Variants in ATPSCKMT observed in about 807,000 individuals in gnomAD.
ATPSCKMT encodes the protein ATP synthase subunit C lysine N-methyltransferase.
A neutral mutation model predicts 24.3 loss-of-function variants in ATPSCKMT; 24 were observed. That is an observed-to-expected ratio of 0.99 (90% CI 0.71 to 1.39). The LOEUF is 1.39. Among genes scored for constraint, ATPSCKMT ranks in the 40% most tolerant of loss-of-function variants. ATPSCKMT has a pLI of 0.00. For synonymous variants in ATPSCKMT, 95 were observed against 110.5 expected (o/e 0.86, Z 0.88); for missense variants, 311 against 298.4 (o/e 1.04, Z -0.31).
chr5:10,249,691 C>T, intron 1 of ATPSCKMT, 167 bp downstream of exon 1: 1 of 1,131,028 alleles, frequency 8.8e-7, no homozygotes, highest in Non-Finnish European at 1.2e-6. Flanking sequence ...GCGGGCACCG[C>T]GCGGCGACCA....
rs1383285317 is a variant in ATPSCKMT, at chr5:10,227,425, A to T, written c.*16T>A. ...GGGAAGACTACAATATTTCAGAAAA[A>T]CACTCCCAGTCAAGTTTATGCTTGA... On this transcript the variant is annotated 3_prime_UTR_variant, in exon 5 of 5. Coordinates refer to ENST00000511437, the MANE Select transcript of ATPSCKMT (RefSeq NM_199133.4). 3 of 1,613,036 alleles carry T rather than the reference A, an allele frequency of 1.9e-6. No individual in the cohort carries two copies. In the African/African-American group the frequency reaches 4.0e-5, roughly 21 times the overall value.
intron 4 of ATPSCKMT, among the ~76,000 whole-genome samples, chr5:10,232,786 C>T (rs13185189): frequency 1.3e-5 from 2 of 152,014 alleles, no homozygotes; most frequent in African/African-American, 4.8e-5. Context: ...GGGGCCCCTG[C>T]GCACCAGCCT....
intron 4 of ATPSCKMT, among the ~76,000 whole-genome samples, chr5:10,232,997 A>G (rs1402561337): frequency 6.6e-6 from 1 of 152,182 alleles, no homozygotes; most frequent in African/African-American, 2.4e-5. Context: ...TTTTAGATAG[A>G]TACATACTTG....
chr5:10,228,370 C>T (rs1368790540), intron 4 of ATPSCKMT, among the ~76,000 whole-genome samples: 2 of 152,056 alleles, frequency 1.3e-5, no homozygotes, highest in Admixed American at 6.6e-5. Context: ...AAAATGTATC[C>T]ATAATATACT....
chr5:10,249,690 G>A (rs931339642), intron 1 of ATPSCKMT, 168 bp downstream of exon 1: 4 of 1,120,000 alleles, frequency 3.6e-6, no homozygotes, highest in Admixed American at 3.0e-5. Context: ...CGCGGGCACC[G>A]CGCGGCGACC....
chr5:10,238,884 A>T (rs1317633384), intron 2 of ATPSCKMT, among the ~76,000 whole-genome samples, 183 bp downstream of exon 2: 2 of 152,214 alleles, frequency 1.3e-5, no homozygotes, highest in Admixed American at 6.5e-5. Context: ...AACAAATTAA[A>T]TCTGGGAAAA....
In ATPSCKMT at chr5:10,234,085, T is replaced by C. The variant is rs971257506; in HGVS notation, c.495+1126A>G. Among the ~76,000 whole-genome samples the C allele has an allele frequency of 1.2e-3, 183 of 152,316 alleles. 1 individual carries two copies. The highest frequency in any genetic ancestry group is 4.2e-3 in the African/African-American group (174 of 41,564). On this transcript the variant is annotated intron_variant, in intron 4 of 4. Coordinates refer to ENST00000511437, the MANE Select transcript of ATPSCKMT (RefSeq NM_199133.4). ...GCTCACACCTGTAATCCTAGCACTT[T>C]GGGAGGCCGAAGCAGGCAAATCACT... is the stretch of plus-strand genomic sequence containing the variant.
chr5:10,249,417 C>T (rs567806979), intron 1 of ATPSCKMT: 110 of 192,446 alleles, frequency 5.7e-4, no homozygotes, highest in African/African-American at 2.4e-3. Flanking sequence ...GCACCGTTCT[C>T]CTTGAATCTC....
At chr5:10,238,461 C>T (rs1744475092) in intron 2 of ATPSCKMT, among the ~76,000 whole-genome samples, 1 of 152,310 alleles carries the variant, frequency 6.6e-6, no homozygotes, top group Admixed American at 6.5e-5. Context: ...GCTGCTGGAA[C>T]TTTTCAGCTT....
intron 4 of ATPSCKMT, 152 bp from the exon 5 acceptor site, chr5:10,227,799 A>C: frequency 3.0e-6 from 2 of 656,266 alleles, no homozygotes; most frequent in Non-Finnish European, 5.3e-6. Flanking sequence ...TAAACAAACA[A>C]TCCATTGAAA....
At chr5:10,245,336 C>A (rs771501320) in intron 1 of ATPSCKMT, among the ~76,000 whole-genome samples, 1 of 152,266 alleles carries the variant, frequency 6.6e-6, no homozygotes, top group South Asian at 2.1e-4. Context: ...AGGAGAATGG[C>A]GTGAACCTGG....
intron 2 of ATPSCKMT, chr5:10,237,174 G>A (rs905024592): frequency 2.9e-5 from 15 of 513,150 alleles, no homozygotes; most frequent in Non-Finnish European, 4.3e-5. Flanking sequence ...ACTGGCCTCC[G>A]GAGAGTGGGA....
intron 1 of ATPSCKMT, among the ~76,000 whole-genome samples, chr5:10,245,684 T>A (rs550811180): frequency 6.7e-6 from 1 of 148,638 alleles, no homozygotes; most frequent in Non-Finnish European, 1.5e-5. Flanking sequence ...CAAGTGGAGG[T>A]TGCAGTGAGC....
At chr5:10,235,368 G>A in intron 3 of ATPSCKMT, 107 bp from the exon 4 acceptor site, 1 of 921,890 alleles carries the variant, frequency 1.1e-6, no homozygotes, top group Non-Finnish European at 1.7e-6. Context: ...ACCAAACGGT[G>A]GGTTTTGATG....
At chr5:10,231,578 G>A (rs1397244938) in intron 4 of ATPSCKMT, among the ~76,000 whole-genome samples, 4 of 150,822 alleles carry the variant, frequency 2.7e-5, no homozygotes, top group Non-Finnish European at 5.9e-5. Context: ...TTCCCTGCAC[G>A]CCCCCTCCCT....
At chr5:10,233,318 C>T (rs1401581232) in intron 4 of ATPSCKMT, among the ~76,000 whole-genome samples, 1 of 152,056 alleles carries the variant, frequency 6.6e-6, no homozygotes, top group Admixed American at 6.5e-5. Context: ...GGCCTCCACA[C>T]ACAAAACTTA....
chr5:10,248,954 T>C (rs966778405), intron 1 of ATPSCKMT, among the ~76,000 whole-genome samples: 3 of 152,024 alleles, frequency 2.0e-5, no homozygotes, highest in African/African-American at 7.2e-5. Flanking sequence ...CCAAGATCTT[T>C]CTGAGGCAGC....
chr5:10,234,815 T>C (rs1222771334), intron 4 of ATPSCKMT, among the ~76,000 whole-genome samples: 1 of 152,228 alleles, frequency 6.6e-6, no homozygotes, highest in African/African-American at 2.4e-5. Flanking sequence ...CCCAGAAAAT[T>C]ATCTTCCTTC....
At chr5:10,241,235 A>G (rs1744629557) in intron 1 of ATPSCKMT, among the ~76,000 whole-genome samples, 1 of 152,084 alleles carries the variant, frequency 6.6e-6, no homozygotes, top group Non-Finnish European at 1.5e-5. Context: ...AATTTATAGG[A>G]ACCCTCATGA....
Sources: allele counts gnomAD v4.1 joint callset (sites outside exome capture counted in the v4.1 genomes callset), GRCh38; gene constraint gnomAD v4.1.1; transcripts MANE v1.5; gene names NCBI Gene and HGNC (gene_info 2026-07-23, HGNC 2026-07-21).